STPG2: variants seen among roughly 807,000 people sequenced by gnomAD.
STPG2 encodes sperm tail PG-rich repeat containing 2, also known as sperm-tail PG-rich repeat-containing protein 2.
In STPG2, 56 loss-of-function variants were observed where a neutral mutation model predicts 54.2. The ratio of observed to expected loss-of-function variants is 1.03; its 90% CI spans 0.83 to 1.29. The LOEUF is 1.29. STPG2 is among the 50% of genes most tolerant of loss of function. The pLI is 0.00. For synonymous variants in STPG2, 200 were observed against 181.8 expected (o/e 1.10, Z -0.81); for missense variants, 596 against 544.9 (o/e 1.09, Z -0.93).
chr4:98,037,101 C>A (rs537500686), intron 5 of STPG2, among the ~76,000 whole-genome samples: 1 of 152,060 alleles, frequency 6.6e-6, no homozygotes, highest in South Asian at 2.1e-4. Context: ...TAAACAATTT[C>A]TAATAATTCT....
At chr4:97,752,733 T>TA (rs1725615122) in intron 9 of STPG2, among the ~76,000 whole-genome samples, 1 of 151,856 alleles carries the variant, frequency 6.6e-6, no homozygotes, top group Non-Finnish European at 1.5e-5. Context: ...ATCCAAGACT[T>TA]ACATATCTTG....
intron 2 of STPG2, among the ~76,000 whole-genome samples, chr4:98,131,369 C>T (rs911333802): frequency 6.6e-6 from 1 of 152,024 alleles, no homozygotes; most frequent in Admixed American, 6.6e-5. Flanking sequence ...TATGTATTAC[C>T]AACATCTAGC....
intron 5 of STPG2, among the ~76,000 whole-genome samples, chr4:97,987,824 C>T (rs1734874812): frequency 6.6e-6 from 1 of 152,028 alleles, no homozygotes; most frequent in African/African-American, 2.4e-5. Flanking sequence ...ATCAAAGCCA[C>T]TACCATCTCT....
At chr4:97,445,479 T>G (rs1395913772) in intron 4 of STPG2, among the ~76,000 whole-genome samples, 1 of 152,242 alleles carries the variant, frequency 6.6e-6, no homozygotes, top group Non-Finnish European at 1.5e-5. Context: ...CTTAATAGTA[T>G]ATTTTATTTT....
chr4:97,936,589 T>A (rs1308553434), intron 8 of STPG2, among the ~76,000 whole-genome samples: 1 of 152,208 alleles, frequency 6.6e-6, no homozygotes, highest in Non-Finnish European at 1.5e-5. Flanking sequence ...ATGAATTCCC[T>A]CAGCATTTGC....
intron 3 of STPG2, among the ~76,000 whole-genome samples, chr4:98,111,647 A>T (rs1018822610): frequency 6.6e-6 from 1 of 152,118 alleles, no homozygotes; most frequent in South Asian, 2.1e-4. Context: ...GTGATGGTCA[A>T]CTTTAGATGT....
At chr4:97,962,741 A>G (rs756288481) in intron 7 of STPG2, among the ~76,000 whole-genome samples, 11 of 152,236 alleles carry the variant, frequency 7.2e-5, no homozygotes, top group Non-Finnish European at 1.2e-4. Context: ...TACTAAGTAC[A>G]AAGAGTTTAA....
intron 10 of STPG2, among the ~76,000 whole-genome samples, chr4:97,645,684 C>T (rs2148949038): frequency 6.6e-6 from 1 of 152,218 alleles, no homozygotes; most frequent in South Asian, 2.1e-4. Flanking sequence ...GTCCTACCAC[C>T]AAACTGCAAT....
chr4:98,085,971 A>G (rs183720261), intron 5 of STPG2, among the ~76,000 whole-genome samples: 5 of 152,208 alleles, frequency 3.3e-5, no homozygotes, highest in Admixed American at 2.0e-4. Context: ...GTTTTGTGTT[A>G]AGGTAGGCAA....
intron 5 of STPG2, among the ~76,000 whole-genome samples, chr4:98,097,941 G>A (rs931549770): frequency 6.6e-6 from 1 of 152,002 alleles, no homozygotes; most frequent in Non-Finnish European, 1.5e-5. Flanking sequence ...TGCAATGAAA[G>A]CTATAAAACA....
chr4:98,025,421 T>C, intron 5 of STPG2: 1 of 433,872 alleles, frequency 2.3e-6, no homozygotes, highest in Middle Eastern at 8.8e-4. Flanking sequence ...TAAGGCCTGC[T>C]TTAAGAGATA....
intron 4 of STPG2, among the ~76,000 whole-genome samples, chr4:97,532,976 G>A (rs1171723494): frequency 5.9e-5 from 9 of 151,996 alleles, no homozygotes; most frequent in South Asian, 2.1e-4. Flanking sequence ...TCTGCCTCCC[G>A]GGTTCATGCC....
chr4:97,533,177 G>A (rs756186447), intron 4 of STPG2, among the ~76,000 whole-genome samples: 12 of 151,816 alleles, frequency 7.9e-5, no homozygotes, highest in African/African-American at 1.9e-4. Flanking sequence ...CACTGCCCCC[G>A]GCCTACTTAG....
intron 9 of STPG2, among the ~76,000 whole-genome samples, chr4:97,806,628 G>A (rs923895857): frequency 2.0e-5 from 3 of 152,020 alleles, no homozygotes; most frequent in Non-Finnish European, 4.4e-5. Flanking sequence ...ACAGGAACTA[G>A]GTCGTGAGTG....
chr4:97,905,298 T>A (rs1731362336), intron 8 of STPG2, among the ~76,000 whole-genome samples: 1 of 152,154 alleles, frequency 6.6e-6, no homozygotes, highest in Admixed American at 6.5e-5. Flanking sequence ...TGGGGGCCAA[T>A]ATTCAACATT....
At chr4:97,708,267 A>G (rs1724012429) in intron 10 of STPG2, among the ~76,000 whole-genome samples, 1 of 152,118 alleles carries the variant, frequency 6.6e-6, no homozygotes, top group Admixed American at 6.5e-5. Context: ...AAAAAAATTC[A>G]CTTGGCAAAG....
At chr4:97,685,638 AT>A (rs2148983348) in intron 10 of STPG2, among the ~76,000 whole-genome samples, 1 of 152,302 alleles carries the variant, frequency 6.6e-6, no homozygotes, top group South Asian at 2.1e-4. Context: ...GACATTATGT[AT>A]TTGTAGAAAC....
intron 9 of STPG2, among the ~76,000 whole-genome samples, chr4:97,829,204 C>T (rs1728361015): frequency 6.6e-6 from 1 of 152,154 alleles, no homozygotes; most frequent in Non-Finnish European, 1.5e-5. Context: ...TGCTGTTCTG[C>T]CATCTCCATT....
At chr4:97,663,589 A>G (rs1372214429) in intron 10 of STPG2, among the ~76,000 whole-genome samples, 6 of 152,190 alleles carry the variant, frequency 3.9e-5, no homozygotes, top group African/African-American at 1.2e-4. Flanking sequence ...AAAACTTCTG[A>G]AAATAACATA....
Sources: allele counts gnomAD v4.1 joint callset (sites outside exome capture counted in the v4.1 genomes callset), GRCh38; gene constraint gnomAD v4.1.1; transcripts MANE v1.5; gene names NCBI Gene and HGNC (gene_info 2026-07-23, HGNC 2026-07-21).